NUDT7: variants seen among roughly 807,000 people sequenced by gnomAD.
NUDT7 encodes peroxisomal coenzyme A diphosphatase NUDT7.
NUDT7 carries 19 observed loss-of-function variants against 13.1 expected under a neutral mutation model. The observed-to-expected ratio is 1.45, with a 90% CI of 1.01 to 2.13. The LOEUF is 2.13. Among genes scored for constraint, NUDT7 ranks in the 30% most tolerant of loss-of-function variants. NUDT7 has a pLI of 0.00. For synonymous variants in NUDT7, 132 were observed against 109.7 expected (o/e 1.20, Z -1.27); for missense variants, 360 against 291.7 (o/e 1.23, Z -1.71).
intron 2 of NUDT7, among the ~76,000 whole-genome samples, chr16:77,730,016 C>T (rs1370203700): frequency 6.6e-6 from 1 of 151,556 alleles, no homozygotes; most frequent in South Asian, 2.1e-4. Context: ...CATATACTAC[C>T]TCATATGGTA....
chr16:77,732,472 C>G (rs539177596), intron 2 of NUDT7, among the ~76,000 whole-genome samples: 1 of 152,336 alleles, frequency 6.6e-6, no homozygotes, highest in Admixed American at 6.5e-5. Flanking sequence ...CACAGAGCAG[C>G]TTTCAGTCCT....
intron 2 of NUDT7, among the ~76,000 whole-genome samples, chr16:77,732,195 G>A (rs2014338381): frequency 6.6e-6 from 1 of 152,022 alleles, no homozygotes; most frequent in African/African-American, 2.4e-5. Context: ...AGGCATGCTG[G>A]CGGGTGCCTG....
At chr16:77,734,467 C>G (rs1351425355) in intron 2 of NUDT7, among the ~76,000 whole-genome samples, 23 of 151,986 alleles carry the variant, frequency 1.5e-4, no homozygotes, top group Non-Finnish European at 1.5e-5. Context: ...ACTAAAAATA[C>G]AAAAAATTAG....
At chr16:77,740,028 T>C (rs2014609839) in intron 3 of NUDT7, among the ~76,000 whole-genome samples, 1 of 152,178 alleles carries the variant, frequency 6.6e-6, no homozygotes, top group South Asian at 2.1e-4. Context: ...ATCACTTGCA[T>C]CTGAGTCCTT....
chr16:77,722,919 A>G (rs1334169685), intron 1 of NUDT7, among the ~76,000 whole-genome samples: 1 of 152,086 alleles, frequency 6.6e-6, no homozygotes, highest in Non-Finnish European at 1.5e-5. Context: ...GACCCCCGAC[A>G]GTGGCACAGA....
intron 2 of NUDT7, among the ~76,000 whole-genome samples, chr16:77,729,824 C>CAATA (rs1180944167): frequency 1.1e-4 from 16 of 147,800 alleles, no homozygotes; most frequent in African/African-American, 2.3e-4. Context: ...GACTCTATCT[C>CAATA]AATAAATAAA....
intron 2 of NUDT7, among the ~76,000 whole-genome samples, chr16:77,732,981 T>G (rs1229287991): frequency 6.6e-6 from 1 of 152,140 alleles, no homozygotes; most frequent in Non-Finnish European, 1.5e-5. Flanking sequence ...CGCTGGTGAG[T>G]GTTCAAGACA....
intron 2 of NUDT7, among the ~76,000 whole-genome samples, chr16:77,729,719 C>A (rs772079327): frequency 5.9e-5 from 9 of 151,840 alleles, no homozygotes; most frequent in African/African-American, 1.9e-4. Flanking sequence ...CAGCTACTCG[C>A]GAGGCTGAGG....
At position 77,737,208 on chromosome 16, in the gene NUDT7, C is replaced by T. The variant is rs563364153; in HGVS notation, c.348+1222C>T. On this transcript the variant is annotated intron_variant, in intron 3 of 3. Transcript: ENST00000268533. ...ACTAGTTTTTCTACTAATGTCCTTT[C>T]TGTCCTGGATCTCATCTAAGATACC... is the stretch of plus-strand genomic sequence containing the variant. Among the ~76,000 whole-genome samples, 8 of 152,320 alleles carry T rather than the reference C, an allele frequency of 5.3e-5. No individual in the cohort carries two copies. The South Asian group carries it at 1.7e-3, about 32-fold the overall frequency.
intron 2 of NUDT7, 97 bp from the exon 3 acceptor site, chr16:77,735,731 T>C: frequency 8.8e-7 from 1 of 1,133,516 alleles, no homozygotes. Flanking sequence ...AAGAATGGTC[T>C]CTGGTACAAA....
At chr16:77,734,176 A>T (rs1383095689) in intron 2 of NUDT7, among the ~76,000 whole-genome samples, 1 of 152,156 alleles carries the variant, frequency 6.6e-6, no homozygotes, top group Admixed American at 6.5e-5. Flanking sequence ...TGTCTTACTA[A>T]ACTTTTGATA....
chr16:77,732,142 A>G (rs1424442682), intron 2 of NUDT7, among the ~76,000 whole-genome samples: 6 of 152,116 alleles, frequency 3.9e-5, no homozygotes, highest in African/African-American at 1.4e-4. Flanking sequence ...AGCCTGGCCA[A>G]CATGGCCAAA....
At chr16:77,735,484 G>C in intron 2 of NUDT7, 1 of 651,734 alleles carries the variant, frequency 1.5e-6, no homozygotes, top group Non-Finnish European at 2.8e-6. Context: ...CCAGCATCAT[G>C]CTCCCTGTAC....
Position 77,742,065 on chromosome 16 carries a change from T to C in NUDT7, c.*115T>C. 1 of 1,472,332 alleles carries C rather than the reference T, an allele frequency of 6.8e-7. No homozygotes were observed. The highest frequency in any genetic ancestry group is 8.9e-7 in the Non-Finnish European group (1 of 1,120,800). 91.2% of individuals were successfully genotyped at this position (1,472,332 alleles called of 1,614,324 possible). A position where few individuals can be genotyped will look rare whatever the true frequency, so the allele number is the denominator to read the frequency against. On this transcript the variant is annotated 3_prime_UTR_variant, in exon 4 of 4. Transcript: ENST00000268533. ...ACAGGTGTGAATATTTTTTCTGCAG[T>C]ATGTAGTTAGAATCCTTGCCTCTTT...
intron 3 of NUDT7, among the ~76,000 whole-genome samples, chr16:77,739,632 T>G (rs757303676): frequency 6.6e-6 from 1 of 152,120 alleles, no homozygotes; most frequent in Non-Finnish European, 1.5e-5. Flanking sequence ...TGCCCTAACC[T>G]CCTGGGAATG....
At chr16:77,724,473 A>G (rs1184263134) in intron 1 of NUDT7, among the ~76,000 whole-genome samples, 1 of 150,126 alleles carries the variant, frequency 6.7e-6, no homozygotes, top group African/African-American at 2.5e-5. Context: ...GGGTCTTACC[A>G]TGTTGACCAG....
chr16:77,735,321 G>GT, intron 2 of NUDT7: 1 of 440,754 alleles, frequency 2.3e-6, no homozygotes, highest in Non-Finnish European at 4.0e-6. Context: ...ACAATAGTGA[G>GT]TGAGTTCTCA....
intron 2 of NUDT7, among the ~76,000 whole-genome samples, chr16:77,729,623 T>G (rs1003875777): frequency 4.0e-4 from 61 of 152,212 alleles, no homozygotes; most frequent in African/African-American, 1.3e-3. Flanking sequence ...GTCAGGAGTT[T>G]GAGACCAGCC....
At chr16:77,733,319 G>A (rs2014375878) in intron 2 of NUDT7, among the ~76,000 whole-genome samples, 1 of 152,194 alleles carries the variant, frequency 6.6e-6, no homozygotes, top group Admixed American at 6.5e-5. Context: ...TTTGGAGTCT[G>A]GTGAGGGCCC....
Sources: gnomAD v4.1 joint callset for allele counts (sites outside exome capture counted in the v4.1 genomes callset) on GRCh38, gnomAD v4.1.1 for gene constraint, MANE v1.5 for transcripts, NCBI Gene and HGNC (gene_info 2026-07-23, HGNC 2026-07-21) for gene names.